Variants in LARP1B observed in about 807,000 individuals in gnomAD.
LARP1B encodes La ribonucleoprotein 1B, also known as la-related protein 1B.
Under a neutral mutation model 114.2 loss-of-function variants are expected in LARP1B, and 76 were observed. The ratio of observed to expected loss-of-function variants is 0.67; its 90% CI spans 0.55 to 0.81. LARP1B has a LOEUF of 0.81. Among genes scored for constraint, LARP1B ranks in the 30% least tolerant of loss-of-function variants. The pLI is 0.00. For synonymous variants in LARP1B, 345 were observed against 348.0 expected, an observed-to-expected ratio of 0.99 and a Z score of 0.10; for missense variants, 1,014 against 1,075.8, an observed-to-expected ratio of 0.94 and a Z score of 0.80.
chr4:128,089,736 T>C (rs1411106706), intron 5 of LARP1B, among the ~76,000 whole-genome samples: 1 of 151,986 alleles, frequency 6.6e-6, no homozygotes, highest in Non-Finnish European at 1.5e-5. Context: ...AATTTGCATT[T>C]CTTACAGTCC....
chr4:128,158,232 C>T (rs556258299), intron 11 of LARP1B, among the ~76,000 whole-genome samples: 4 of 151,998 alleles, frequency 2.6e-5, no homozygotes, highest in African/African-American at 9.7e-5. Context: ...ACACACCTTT[C>T]GTATAAAGAA....
At chr4:128,129,348 C>CAA (rs71587364) in intron 11 of LARP1B, among the ~76,000 whole-genome samples, 66,845 of 109,620 alleles carry the variant, frequency 0.61, 20,114 homozygotes, top group Middle Eastern at 0.79. Context: ...GACTCCGTCT[C>CAA]AAAAAAAAAA....
At chr4:128,106,937 A>T (rs1183989205) in intron 8 of LARP1B, among the ~76,000 whole-genome samples, 1 of 152,200 alleles carries the variant, frequency 6.6e-6, no homozygotes, top group African/African-American at 2.4e-5. Context: ...AAGTTAAATA[A>T]GTGGGAGATC....
chr4:128,066,458 G>A (rs1051593702), intron 1 of LARP1B, among the ~76,000 whole-genome samples: 4 of 149,240 alleles, frequency 2.7e-5, no homozygotes, highest in Admixed American at 6.8e-5. Context: ...GATTACAAGC[G>A]TGAGCCACTG....
chr4:128,083,656 T>A (rs1561114632), intron 5 of LARP1B, among the ~76,000 whole-genome samples: 1 of 97,680 alleles, frequency 1.0e-5, no homozygotes, highest in African/African-American at 3.5e-5. Context: ...ACGGGGCGGC[T>A]GGCCAGGTGG....
At position 128,107,277 on chromosome 4, in the gene LARP1B, G is replaced by T. The variant is rs375607025; in HGVS notation, c.952G>T (p.Glu318Ter). 3 of 1,614,042 alleles carry T rather than the reference G, an allele frequency of 1.9e-6. No individual in the cohort carries two copies. The highest frequency in any genetic ancestry group is 2.5e-6 in the Non-Finnish European group (3 of 1,180,028). Residue 318 changes from glutamate (E) to a stop codon, truncating the protein, a stop_gained, in exon 9 of 20, where the codon GAG becomes TAG. Transcript: ENST00000326639. LOFTEE classifies it high-confidence loss of function. ...TDFSQLIDCP[E>*]FVPGQAFCSH... ...CTTCTCTCAACTGATTGATTGTCCAGAGTTTGTACCAGGCCAAGCCTTTTG... is the reference window on the plus strand; with the variant it reads ...CTTCTCTCAACTGATTGATTGTCCATAGTTTGTACCAGGCCAAGCCTTTTG...
intron 15 of LARP1B, among the ~76,000 whole-genome samples, chr4:128,184,966 G>T (rs1270987333): frequency 6.6e-6 from 1 of 151,984 alleles, no homozygotes; most frequent in East Asian, 1.9e-4. Context: ...GTTTATGTAT[G>T]TGCCTATGTA....
chr4:128,108,019 G>A (rs1782693661), intron 9 of LARP1B: 1 of 1,514,522 alleles, frequency 6.6e-7, no homozygotes. Flanking sequence ...ACTGTCTTCT[G>A]TTCAAGAATG....
At chr4:128,091,983 T>A (rs1235930691) in intron 7 of LARP1B, among the ~76,000 whole-genome samples, 1 of 152,224 alleles carries the variant, frequency 6.6e-6, no homozygotes, top group Admixed American at 6.5e-5. Flanking sequence ...GGAATGTGAT[T>A]AAAGTAGGTG....
chr4:128,140,600 A>T (rs1209113369), intron 11 of LARP1B, among the ~76,000 whole-genome samples: 1 of 152,196 alleles, frequency 6.6e-6, no homozygotes, highest in African/African-American at 2.4e-5. Context: ...TTTCTAAAAT[A>T]CTAACAGTTG....
intron 11 of LARP1B, chr4:128,122,672 G>C: frequency 7.4e-7 from 1 of 1,351,756 alleles, no homozygotes; most frequent in South Asian, 2.2e-5. Context: ...TAAGGTAGTG[G>C]AAATGGTTGT....
At chr4:128,143,137 T>C (rs1168350429) in intron 11 of LARP1B, among the ~76,000 whole-genome samples, 1 of 151,828 alleles carries the variant, frequency 6.6e-6, no homozygotes, top group Non-Finnish European at 1.5e-5. Context: ...ATGTAAAAAT[T>C]AGCTGGGTGT....
chr4:128,195,885 A>G (rs1170915285), intron 15 of LARP1B, among the ~76,000 whole-genome samples: 1 of 152,184 alleles, frequency 6.6e-6, no homozygotes, highest in African/African-American at 2.4e-5. Flanking sequence ...GAAGATGCAA[A>G]TAACTAGAAT....
chr4:128,129,877 C>A (rs181637581), intron 11 of LARP1B, among the ~76,000 whole-genome samples: 142 of 152,080 alleles, frequency 9.3e-4, no homozygotes, highest in Non-Finnish European at 1.6e-3. Flanking sequence ...GACGGACCAT[C>A]GTCCAAAATG....
At chr4:128,091,868 A>T (rs888843619) in intron 7 of LARP1B, among the ~76,000 whole-genome samples, 2 of 152,170 alleles carry the variant, frequency 1.3e-5, no homozygotes, top group Non-Finnish European at 2.9e-5. Flanking sequence ...AAGTGCTGGG[A>T]TTATAGGCGT....
At chr4:128,194,425 G>A (rs1229194632) in intron 15 of LARP1B, among the ~76,000 whole-genome samples, 1 of 150,338 alleles carries the variant, frequency 6.7e-6, no homozygotes, top group Non-Finnish European at 1.5e-5. Flanking sequence ...GCTCACGCCT[G>A]TAATCCCAGC....
At chr4:128,171,346 C>T (rs917290967) in intron 12 of LARP1B, among the ~76,000 whole-genome samples, 17 of 152,098 alleles carry the variant, frequency 1.1e-4, no homozygotes, top group Admixed American at 3.3e-4. Flanking sequence ...CCAGATTGGT[C>T]TAGTACTGCT....
intron 12 of LARP1B, among the ~76,000 whole-genome samples, chr4:128,173,772 G>T (rs910583119): frequency 6.6e-6 from 1 of 152,090 alleles, no homozygotes; most frequent in Non-Finnish European, 1.5e-5. Flanking sequence ...TTCTGTTTGG[G>T]ACTATACCTT....
At chr4:128,219,719 G>A (rs1357025156) in intron 6 of LARP1B, among the ~76,000 whole-genome samples, 10 of 145,746 alleles carry the variant, frequency 6.9e-5, no homozygotes, top group African/African-American at 2.0e-4. Context: ...TGGGTGCAGC[G>A]CACCAGCATG....
Sources: allele counts gnomAD v4.1 joint callset (sites outside exome capture counted in the v4.1 genomes callset), GRCh38; gene constraint gnomAD v4.1.1; transcripts MANE v1.5; gene names NCBI Gene and HGNC (gene_info 2026-07-23, HGNC 2026-07-21).